The following CADM2 variants were observed in gnomAD, a reference collection of about 807,000 sequenced individuals.
CADM2 encodes cell adhesion molecule 2.
Under a neutral mutation model 49.8 loss-of-function variants are expected in CADM2, and 12 were observed. That is an observed-to-expected ratio of 0.24 (90% CI 0.15 to 0.39). The LOEUF (loss-of-function observed/expected upper bound fraction) is 0.39, where lower values mean the gene tolerates loss of function less well. CADM2 is among the 10% of genes least tolerant of loss of function. CADM2 has a pLI of 1.00. For missense variants in CADM2, 378 were observed against 492.3 expected, an observed-to-expected ratio of 0.77 and a Z score of 2.20; for synonymous variants, 214 against 175.4, an observed-to-expected ratio of 1.22 and a Z score of -1.74.
At chr3:85,976,749 C>T (rs185487390) in intron 8 of CADM2, among the ~76,000 whole-genome samples, 14 of 151,386 alleles carry the variant, frequency 9.2e-5, no homozygotes, top group Middle Eastern at 3.4e-3. Flanking sequence ...TGTTTTTAGC[C>T]ACATATGATG....
At chr3:85,506,882 A>G (rs1420221104) in intron 1 of CADM2, among the ~76,000 whole-genome samples, 1 of 152,204 alleles carries the variant, frequency 6.6e-6, no homozygotes, top group Non-Finnish European at 1.5e-5. Flanking sequence ...TACCAAAAAT[A>G]CAGTGTTTTG....
intron 1 of CADM2, among the ~76,000 whole-genome samples, chr3:85,421,614 T>A (rs2036176315): frequency 6.6e-6 from 1 of 152,206 alleles, no homozygotes; most frequent in Non-Finnish European, 1.5e-5. Context: ...GTCCTGAATC[T>A]TTTCCTTTTT....
chr3:85,572,017 C>T (rs755434762), intron 1 of CADM2, among the ~76,000 whole-genome samples: 35 of 152,146 alleles, frequency 2.3e-4, no homozygotes, highest in Non-Finnish European at 4.6e-4. Flanking sequence ...TTCATGTGGA[C>T]CAGGCATGGT....
intron 8 of CADM2, chr3:85,994,207 C>T (rs1351655456): frequency 3.3e-5 from 5 of 152,162 alleles, no homozygotes; most frequent in Admixed American, 3.3e-4. Context: ...CTCCATCAGC[C>T]CTTGTTGCTT....
At chr3:86,011,610 G>C (rs73843571) in intron 8 of CADM2, among the ~76,000 whole-genome samples, 3 of 152,064 alleles carry the variant, frequency 2.0e-5, no homozygotes, top group Non-Finnish European at 2.9e-5. Flanking sequence ...TCAGAAAAAG[G>C]AAGAGCAATA....
chr3:85,301,944 G>A (rs1420992297), intron 1 of CADM2, among the ~76,000 whole-genome samples: 2 of 151,966 alleles, frequency 1.3e-5, no homozygotes, highest in Non-Finnish European at 2.9e-5. Flanking sequence ...TTTTTTGTAT[G>A]CGTAGCTTTT....
intron 1 of CADM2, among the ~76,000 whole-genome samples, chr3:85,468,153 CAAAAAAAAAAAAA>C (rs57721920): frequency 7.2e-5 from 4 of 55,348 alleles, no homozygotes; most frequent in African/African-American, 2.7e-4. Flanking sequence ...GACTCCGTCT[CAAAAAAAAAAAAA>C]AAAAAAAAAA....
intron 2 of CADM2, among the ~76,000 whole-genome samples, chr3:85,775,878 C>T (rs1158997521): frequency 1.3e-5 from 2 of 151,760 alleles, no homozygotes; most frequent in Non-Finnish European, 3.0e-5. Flanking sequence ...TAAAATAATT[C>T]AGTAATTTGA....
chr3:85,143,640 A>T (rs1400742651), intron 1 of CADM2, among the ~76,000 whole-genome samples: 1 of 152,116 alleles, frequency 6.6e-6, no homozygotes, highest in Non-Finnish European at 1.5e-5. Context: ...TCAATATCCA[A>T]AGTATCATTT....
chr3:85,153,069 T>C (rs2039982189), intron 1 of CADM2, among the ~76,000 whole-genome samples: 1 of 151,962 alleles, frequency 6.6e-6, no homozygotes, highest in African/African-American at 2.4e-5. Context: ...AAATTAACAC[T>C]GCGGGGGAGG....
intron 2 of CADM2, among the ~76,000 whole-genome samples, chr3:85,741,682 C>A (rs1291093923): frequency 6.6e-6 from 1 of 152,128 alleles, no homozygotes; most frequent in African/African-American, 2.4e-5. Flanking sequence ...AAATAGTTGT[C>A]TCACATATGG....
chr3:86,061,058 T>C (rs1738580414), intron 8 of CADM2, among the ~76,000 whole-genome samples: 2 of 150,772 alleles, frequency 1.3e-5, no homozygotes, highest in Non-Finnish European at 2.9e-5. Flanking sequence ...TTTTCAATGA[T>C]TAAAAATTTT....
rs116349078 is a variant in CADM2 at position 85,349,643 on chromosome 3, T to C, written c.62-376879T>C. Among the ~76,000 whole-genome samples the C allele has an allele frequency of 3.8e-3, 573 of 152,326 alleles. 1 individual carries two copies. Among genetic ancestry groups the C allele is most frequent in the Middle Eastern group, 0.034 (10 of 294 alleles). On this transcript the variant is annotated intron_variant, in intron 1 of 9. Coordinates refer to ENST00000383699, the MANE Select transcript of CADM2 (RefSeq NM_001167675.2). ...GTTAATTTTGAATACAAAACATAGA[T>C]TGAACATGTCAAAGACTTACTCTGC...
At chr3:85,655,783 C>T (rs1308109804) in intron 1 of CADM2, among the ~76,000 whole-genome samples, 1 of 152,142 alleles carries the variant, frequency 6.6e-6, no homozygotes, top group Non-Finnish European at 1.5e-5. Flanking sequence ...ATTGTTAAAA[C>T]ACAGATTCTT....
At chr3:85,684,791 C>T (rs1308658414) in intron 1 of CADM2, among the ~76,000 whole-genome samples, 3 of 152,164 alleles carry the variant, frequency 2.0e-5, no homozygotes, top group African/African-American at 7.2e-5. Flanking sequence ...ACTGGGGAAA[C>T]TGCCCCCATG....
At position 85,175,919 on chromosome 3, in the gene CADM2, C is replaced by CTTTTTTTTT. The variant is rs11329456; in HGVS notation, c.61+216270_61+216278dup. Reference sequence around the variant, plus strand: ...CAGTTTATCTGAGTTATGTCCTAATCTTTTTTTTTTTTTTTTTTTTTTTTT... The same window carrying CTTTTTTTTT: ...CAGTTTATCTGAGTTATGTCCTAATCTTTTTTTTTTTTTTTTTTTTTTTTTTTTTTTTTT... On this transcript the variant is annotated intron_variant, in intron 1 of 9. Transcript: ENST00000383699. Among the ~76,000 whole-genome samples, 126 of 76,272 alleles carry CTTTTTTTTT rather than the reference C, an allele frequency of 1.7e-3. 13 individuals are homozygous for CTTTTTTTTT. Among genetic ancestry groups the CTTTTTTTTT allele is most frequent in the African/African-American group, 5.3e-3 (87 of 16,438 alleles). 50.0% of individuals were successfully genotyped at this position (76,272 alleles called of 152,430 possible). A position where few individuals can be genotyped will look rare whatever the true frequency, so the allele number is the denominator to read the frequency against.
intron 1 of CADM2, among the ~76,000 whole-genome samples, chr3:85,599,807 G>T (rs3887138): frequency 0.17 from 25,586 of 151,784 alleles, 2,671 homozygotes; most frequent in Non-Finnish European, 0.23. Context: ...AATATTTTAG[G>T]AAATTTATAA....
At chr3:86,043,730 C>CA (rs1218690701) in intron 8 of CADM2, among the ~76,000 whole-genome samples, 1 of 151,998 alleles carries the variant, frequency 6.6e-6, no homozygotes, top group Non-Finnish European at 1.5e-5. Context: ...CATATGGAAC[C>CA]AAAAAAGAGA....
chr3:85,665,655 G>A (rs903645104), intron 1 of CADM2, among the ~76,000 whole-genome samples: 1 of 151,912 alleles, frequency 6.6e-6, no homozygotes, highest in Admixed American at 6.6e-5. Context: ...GTCTTTAAAA[G>A]CATCCTTTGT....
Sources: allele counts gnomAD v4.1 joint callset (sites outside exome capture counted in the v4.1 genomes callset), GRCh38; gene constraint gnomAD v4.1.1; transcripts MANE v1.5; gene names NCBI Gene and HGNC (gene_info 2026-07-23, HGNC 2026-07-21).